Variants in SLC7A5 observed in about 807,000 individuals in gnomAD.
SLC7A5 encodes the protein large neutral amino acids transporter small subunit 1.
In SLC7A5, 23 loss-of-function variants were observed where a neutral mutation model predicts 50.2. The observed-to-expected ratio is 0.46, with a 90% CI of 0.33 to 0.65. The LOEUF (loss-of-function observed/expected upper bound fraction) is 0.65. Ranked by LOEUF, SLC7A5 falls within the 30% of genes least tolerant of loss-of-function variation. The pLI is 0.02. For synonymous variants in SLC7A5, 393 were observed against 330.6 expected (o/e 1.19, Z -2.05); for missense variants, 578 against 684.4 (o/e 0.84, Z 1.73).
rs1244337817 is a variant in SLC7A5 at position 87,862,784 on chromosome 16, G to A, written c.538+6101C>T. Among the ~76,000 whole-genome samples the A allele has an allele frequency of 6.6e-6, 1 of 152,222 alleles. No homozygotes were observed. The highest frequency in any genetic ancestry group is 1.5e-5 in the Non-Finnish European group (1 of 68,044). ...GAAACAGGCTCGGCGGGGCCAGGTG[G>A]ATTTCTCAAAGCCTTGGTTGCTTTT... On this transcript the variant is annotated intron_variant, in intron 1 of 9. Coordinates refer to ENST00000261622, the MANE Select transcript of SLC7A5 (RefSeq NM_003486.7). This position sits in a 1 kb window ranked among gnomAD's most constrained non-coding sequence, Gnocchi z 5.3.
In SLC7A5 at chr16:87,832,942, C is replaced by G; in HGVS notation, c.*28G>C. 6.2e-7 allele frequency: 1 copy of G among 1,602,824 alleles called. No individual in the cohort carries two copies. Among genetic ancestry groups the G allele is most frequent in the Non-Finnish European group, 8.5e-7 (1 of 1,170,020 alleles). Reference sequence around the variant, plus strand: ...CTACTTTAACTGGCCTCTGCGCATGCTCCTCCGGCAGCCACTCGGCCTCCT... The same window carrying G: ...CTACTTTAACTGGCCTCTGCGCATGGTCCTCCGGCAGCCACTCGGCCTCCT... On this transcript the variant is annotated 3_prime_UTR_variant, in exon 10 of 10. Coordinates refer to ENST00000261622, the MANE Select transcript of SLC7A5 (RefSeq NM_003486.7). The surrounding 1 kb of genome is among the most constrained non-coding windows in gnomAD (Gnocchi z 4.6).
Position 87,831,087 on chromosome 16 carries a change from C to A in SLC7A5, c.*1883G>T, listed in dbSNP as rs2054930014. 6.6e-6 allele frequency: 1 copy of A among 152,254 alleles called. No individual in the cohort carries two copies. The highest frequency in any genetic ancestry group is 2.4e-5 in the African/African-American group (1 of 41,456). The allele number at this position is 152,254 out of a possible 1,614,324, so 9.4% of individuals were successfully genotyped here. ...GCAATGCACCAGGCAGGTGGGGCAC[C>A]AGCTGCTGTCCTTATTTGCAGCCAA... On this transcript the variant is annotated 3_prime_UTR_variant, in exon 10 of 10. Transcript: ENST00000261622.
intron 1 of SLC7A5, among the ~76,000 whole-genome samples, chr16:87,863,986 A>AAAATATATATATATATAT (rs376938738): frequency 6.4e-4 from 53 of 83,276 alleles, no homozygotes; most frequent in South Asian, 2.1e-3. Context: ...ATCATTTAAA[A>AAAATATATATATATATAT]ATATATATAT....
Position 87,860,833 on chromosome 16 carries a change from CA to C in SLC7A5, c.538+8051del, listed in dbSNP as rs1220570778. ...CTCACGTAGTGGGCAAATCCTAGGG[CA>C]GGGGAGGGGCGGGCAATGCCAGAGA... On this transcript the variant is annotated intron_variant, in intron 1 of 9. Coordinates refer to ENST00000261622, the MANE Select transcript of SLC7A5 (RefSeq NM_003486.7). This position sits in a 1 kb window ranked among gnomAD's most constrained non-coding sequence, Gnocchi z 4.8. Among the ~76,000 whole-genome samples the C allele has an allele frequency of 6.6e-6, 1 of 152,166 alleles. No individual in the cohort carries two copies. Among genetic ancestry groups the C allele is most frequent in the Non-Finnish European group, 1.5e-5 (1 of 68,028 alleles).
chr16:87,868,746 A>G, intron 1 of SLC7A5, 139 bp downstream of exon 1: 2 of 889,152 alleles, frequency 2.2e-6, no homozygotes, highest in East Asian at 2.7e-5. Context: ...TCTGGGACCA[A>G]TGACCTTAGC....
Position 87,838,758 on chromosome 16 carries a change from C to G in SLC7A5, c.999G>C (p.Leu333=). 6.2e-7 allele frequency: 1 copy of G among 1,614,102 alleles called. No individual in the cohort carries two copies. Among genetic ancestry groups the G allele is most frequent in the Non-Finnish European group, 8.5e-7 (1 of 1,180,034 alleles). The change falls in exon 6 of 10, where the codon CTG becomes CTC. Residue 333 remains leucine, a synonymous_variant. Coordinates refer to ENST00000261622, the MANE Select transcript of SLC7A5 (RefSeq NM_003486.7). Reference sequence around the variant, plus strand: ...ACCCATTGACGGAGCCGAAGCAGGACAGGCCCACGAAGACGGGGATGATCC... The same window carrying G: ...ACCCATTGACGGAGCCGAAGCAGGAGAGGCCCACGAAGACGGGGATGATCC... The part of the protein sequence containing the change: ...MSWIIPVFVG[L]SCFGSVNGSL...
At position 87,841,920 on chromosome 16, in the gene SLC7A5, C is replaced by A. The variant is rs1156434099; in HGVS notation, c.665-765G>T. 1.3e-5 allele frequency among the ~76,000 whole-genome samples: 2 copies of A among 152,228 alleles called. No individual in the cohort carries two copies. Among genetic ancestry groups the A allele is most frequent in the Non-Finnish European group, 2.9e-5 (2 of 68,042 alleles). On this transcript the variant is annotated intron_variant, in intron 2 of 9. Transcript: ENST00000261622. The surrounding 1 kb of genome is among the most constrained non-coding windows in gnomAD (Gnocchi z 4.8). ...AGGCCACCAGCATTCACAGGTTCCC[C>A]AGGAGGACATGTCTTTTGGGGGAAG...
chr16:87,866,370 G>C (rs916754854), intron 1 of SLC7A5, among the ~76,000 whole-genome samples: 5 of 152,224 alleles, frequency 3.3e-5, no homozygotes, highest in African/African-American at 1.2e-4. Flanking sequence ...GTGTCACCCA[G>C]GCAGGAGCTC....
rs2055502845 is a variant in SLC7A5 at position 87,869,303 on chromosome 16, C to T, written c.120G>A (p.Glu40=). 6.2e-7 allele frequency: 1 copy of T among 1,611,408 alleles called. No individual in the cohort carries two copies. Among genetic ancestry groups the T allele is most frequent in the Non-Finnish European group, 8.5e-7 (1 of 1,179,692 alleles). ...KSADGSAPAG[E]GEGVTLQRNI... ...TCCGCTGCAGGGTCACGCCCTCGCC[C>T]TCGCCTGCCGGCGCCGAGCCGTCCG... The change falls in exon 1 of 10, where the codon GAG becomes GAA. Residue 40 remains glutamate, a synonymous_variant. Transcript: ENST00000261622.
chr16:87,855,572 G>A (rs925874783), intron 1 of SLC7A5, among the ~76,000 whole-genome samples: 1 of 151,988 alleles, frequency 6.6e-6, no homozygotes, highest in Non-Finnish European at 1.5e-5. Flanking sequence ...CTCCCTGCCT[G>A]ATGCCCGTGA....
rs774992766 is a variant in SLC7A5 at position 87,834,538 on chromosome 16, G to A, written c.1344C>T (p.Ala448=). Residue 448 remains alanine (A), a synonymous_variant, in exon 9 of 10, where the codon GCC becomes GCT. Coordinates refer to ENST00000261622, the MANE Select transcript of SLC7A5 (RefSeq NM_003486.7). ...FFILACLFLI[A]VSFWKTPVEC... is the part of the protein sequence containing the mutation. ...CCACGGGTGTCTTCCAGAAGGAGAC[G>A]GCGATCAGGAAGAGGCAGGCCAGGA... The A allele has an allele frequency of 6.3e-6, 10 of 1,599,368 alleles. No individual in the cohort carries two copies. The highest frequency in any genetic ancestry group is 4.0e-5 in the African/African-American group (3 of 74,864).
At chr16:87,848,594 G>A (rs1025710894) in intron 2 of SLC7A5, among the ~76,000 whole-genome samples, 6 of 152,198 alleles carry the variant, frequency 3.9e-5, no homozygotes, top group Admixed American at 2.0e-4. Flanking sequence ...CCCAAGACGC[G>A]GAGGAGGCAA....
In SLC7A5 at chr16:87,863,838, G is replaced by A. The variant is rs567637983; in HGVS notation, c.538+5047C>T. On this transcript the variant is annotated intron_variant, in intron 1 of 9. Coordinates refer to ENST00000261622, the MANE Select transcript of SLC7A5 (RefSeq NM_003486.7). ...CAAATCTATACCCTCTCCCAAGGCAGCCTCAGAGGCCCGAGGGCTGAGGAT... is the reference window on the plus strand; with the variant it reads ...CAAATCTATACCCTCTCCCAAGGCAACCTCAGAGGCCCGAGGGCTGAGGAT... Among the ~76,000 whole-genome samples, 37 of 151,818 alleles carry A rather than the reference G, an allele frequency of 2.4e-4. No individual in the cohort carries two copies. In the South Asian group the frequency reaches 7.3e-3, roughly 30 times the overall value.
intron 5 of SLC7A5, 139 bp downstream of exon 5, chr16:87,839,563 G>A (rs970960783): frequency 9.5e-5 from 113 of 1,187,240 alleles, no homozygotes; most frequent in Admixed American, 8.6e-4. Context: ...CCACCCCTCC[G>A]GGTAGGGGAG....
intron 2 of SLC7A5, among the ~76,000 whole-genome samples, chr16:87,844,990 CAGAGACAGATCCAGG>C (rs1225305381): frequency 2.6e-5 from 4 of 152,248 alleles, no homozygotes; most frequent in Non-Finnish European, 4.4e-5. Context: ...CTCAGCGACA[CAGAGACAGATCCAGG>C]GGAGACAGAG....
chr16:87,855,152 C>T (rs1246860814), intron 1 of SLC7A5, among the ~76,000 whole-genome samples: 1 of 152,232 alleles, frequency 6.6e-6, no homozygotes, highest in Non-Finnish European at 1.5e-5. Flanking sequence ...GCCCATTTCT[C>T]CTCAGGACCC....
At position 87,862,282 on chromosome 16, in the gene SLC7A5, G is replaced by A. The variant is rs1377208270; in HGVS notation, c.538+6603C>T. ...GGCAGCCAGGCAGCCTGAAGACCCTGGGGCAAAACACACACAGGCCCCCTC... is the reference window on the plus strand; with the variant it reads ...GGCAGCCAGGCAGCCTGAAGACCCTAGGGCAAAACACACACAGGCCCCCTC... On this transcript the variant is annotated intron_variant, in intron 1 of 9. Transcript: ENST00000261622. The surrounding 1 kb of genome is among the most constrained non-coding windows in gnomAD (Gnocchi z 5.3). Among the ~76,000 whole-genome samples the A allele has an allele frequency of 6.6e-6, 1 of 152,134 alleles. No individual in the cohort carries two copies. Among genetic ancestry groups the A allele is most frequent in the Admixed American group, 6.5e-5 (1 of 15,274 alleles).
At chr16:87,846,877 C>T (rs535549480) in intron 2 of SLC7A5, among the ~76,000 whole-genome samples, 10 of 152,324 alleles carry the variant, frequency 6.6e-5, no homozygotes, top group East Asian at 1.9e-4. Flanking sequence ...GTGCCGGGGA[C>T]GCGGTGAGCC....
chr16:87,868,843 A>G (rs1450373213), intron 1 of SLC7A5, 42 bp downstream of exon 1: 4 of 1,558,230 alleles, frequency 2.6e-6, no homozygotes, highest in Admixed American at 1.9e-5. Context: ...AGGGACCCAG[A>G]GACTACGACC....
Sources: allele counts gnomAD v4.1 joint callset (sites outside exome capture counted in the v4.1 genomes callset), GRCh38; gene constraint gnomAD v4.1.1; non-coding constraint Gnocchi (gnomAD v3.1); transcripts MANE v1.5; gene names NCBI Gene and HGNC (gene_info 2026-07-23, HGNC 2026-07-21).